Variants in TSPAN12 observed in about 807,000 individuals in gnomAD.
The protein encoded by TSPAN12 is tetraspanin 12.
A neutral mutation model predicts 39.2 loss-of-function variants in TSPAN12; 19 were observed. The ratio of observed to expected loss-of-function variants is 0.49; its 90% CI spans 0.34 to 0.71. TSPAN12 has a LOEUF of 0.71. Ranked by LOEUF, TSPAN12 falls within the 30% of genes least tolerant of loss-of-function variation. TSPAN12 has a pLI of 0.01. For missense variants in TSPAN12, 314 were observed against 359.9 expected, an observed-to-expected ratio of 0.87 and a Z score of 1.03; for synonymous variants, 119 against 124.8, an observed-to-expected ratio of 0.95 and a Z score of 0.31.
chr7:120,818,463 T>C (rs565013350), intron 4 of TSPAN12, among the ~76,000 whole-genome samples: 1 of 152,184 alleles, frequency 6.6e-6, no homozygotes. Flanking sequence ...TTGTGAGCCA[T>C]TAGCATTCAA....
At chr7:120,821,076 A>C (rs1287906993) in intron 4 of TSPAN12, among the ~76,000 whole-genome samples, 2 of 152,168 alleles carry the variant, frequency 1.3e-5, no homozygotes, top group Non-Finnish European at 2.9e-5. Context: ...ATGTGTGTCT[A>C]TATGGGAAAT....
In TSPAN12 at chr7:120,856,851, G is replaced by T; in HGVS notation, c.-70-18C>A. The T allele has an allele frequency of 1.4e-6, 2 of 1,390,898 alleles. No individual in the cohort carries two copies. Among genetic ancestry groups the T allele is most frequent in the South Asian group, 1.2e-5 (1 of 85,602 alleles). The allele number at this position is 1,390,898 out of a possible 1,614,324, so 86.2% of individuals were successfully genotyped here. A position where few individuals can be genotyped will look rare whatever the true frequency, so the allele number is the denominator to read the frequency against. ...GCAGCGATCTGCAGGGGGCGGGGGAGAGAGAACACGGGACATCTCACCATC... is the reference window on the plus strand; with the variant it reads ...GCAGCGATCTGCAGGGGGCGGGGGATAGAGAACACGGGACATCTCACCATC... On this transcript the variant is annotated intron_variant, in intron 1 of 7. Coordinates refer to ENST00000222747, the MANE Select transcript of TSPAN12 (RefSeq NM_012338.4).
At chr7:120,802,506 G>A (rs1057442039) in intron 7 of TSPAN12, among the ~76,000 whole-genome samples, 1 of 152,018 alleles carries the variant, frequency 6.6e-6, no homozygotes, top group Non-Finnish European at 1.5e-5. Context: ...ATTTTCTATT[G>A]CTGTTTTTTT....
intron 7 of TSPAN12, among the ~76,000 whole-genome samples, chr7:120,796,570 G>C (rs577672383): frequency 6.6e-6 from 1 of 152,224 alleles, no homozygotes; most frequent in African/African-American, 2.4e-5. Flanking sequence ...TAATATCTTA[G>C]TAGAGATAAG....
intron 7 of TSPAN12, among the ~76,000 whole-genome samples, chr7:120,799,047 G>A (rs1793689556): frequency 6.6e-6 from 1 of 152,036 alleles, no homozygotes. Context: ...ACTGATGTGG[G>A]GAATCTGTTC....
chr7:120,821,676 T>C (rs529098646), intron 4 of TSPAN12, among the ~76,000 whole-genome samples: 24 of 152,174 alleles, frequency 1.6e-4, no homozygotes, highest in Non-Finnish European at 3.2e-4. Context: ...AACCATATCA[T>C]AATTTCTACT....
In TSPAN12 at chr7:120,788,704, T is replaced by C. The variant is rs1388472257; in HGVS notation, c.806A>G (p.Gln269Arg). The change falls in exon 8 of 8, where the codon CAG becomes CGG. Residue 269 changes from glutamine to arginine, a missense_variant. Physicochemically the swap from Gln to Arg is conservative, Grantham distance 43. Coordinates refer to ENST00000222747, the MANE Select transcript of TSPAN12 (RefSeq NM_012338.4). ...TTCTACTGAGGGACATGACAGGTGCTGAGAGTTGTCATTCTTCAAGGACAT... is the reference window on the plus strand; with the variant it reads ...TTCTACTGAGGGACATGACAGGTGCCGAGAGTTGTCATTCTTCAAGGACAT... ...QMMSLKNDNS[Q>R]HLSCPSVELL... 6.2e-6 allele frequency: 10 copies of C among 1,614,168 alleles called. No homozygotes were observed. The highest frequency in any genetic ancestry group is 4.0e-5 in the African/African-American group (3 of 75,040).
chr7:120,798,309 C>A (rs1369950342), intron 7 of TSPAN12, among the ~76,000 whole-genome samples: 22 of 152,148 alleles, frequency 1.4e-4, no homozygotes, highest in Non-Finnish European at 1.5e-5. Context: ...ACAGATACCA[C>A]CGCAAGTCAC....
At chr7:120,824,520 A>G (rs575166939) in intron 4 of TSPAN12, among the ~76,000 whole-genome samples, 32 of 152,216 alleles carry the variant, frequency 2.1e-4, no homozygotes, top group Admixed American at 7.9e-4. Context: ...GTTCAGTTCA[A>G]TCACAAAATC....
chr7:120,793,807 G>A (rs1326693727), intron 7 of TSPAN12, among the ~76,000 whole-genome samples: 1 of 152,220 alleles, frequency 6.6e-6, no homozygotes, highest in Non-Finnish European at 1.5e-5. Flanking sequence ...TTAATGACAT[G>A]TATTGGAAAA....
rs375866349 is a variant in TSPAN12 at position 120,820,158 on chromosome 7, C to T, written c.286-4355G>A. Among the ~76,000 whole-genome samples, 9 of 152,252 alleles carry T rather than the reference C, an allele frequency of 5.9e-5. No individual in the cohort carries two copies. The East Asian group carries it at 1.7e-3, about 29-fold the overall frequency. ...TAGTTTGCAAAGCAACTCACCCTCTCTTCTCCTAGTGGGTTTTCTTTCTGG... is the reference window on the plus strand; with the variant it reads ...TAGTTTGCAAAGCAACTCACCCTCTTTTCTCCTAGTGGGTTTTCTTTCTGG... On this transcript the variant is annotated intron_variant, in intron 4 of 7. Transcript: ENST00000222747.
intron 4 of TSPAN12, among the ~76,000 whole-genome samples, chr7:120,832,513 C>T (rs144207781): frequency 5.3e-5 from 8 of 152,158 alleles, no homozygotes; most frequent in South Asian, 2.1e-4. Flanking sequence ...TCGTCTCCAC[C>T]GGCAAACCCT....
rs530062738 is a variant in TSPAN12 at position 120,838,205 on chromosome 7, T to G, written c.285+572A>C. Among the ~76,000 whole-genome samples the G allele has an allele frequency of 4.6e-5, 7 of 152,328 alleles. No homozygotes were observed. In the East Asian group the frequency reaches 1.2e-3, roughly 25 times the overall value. The stretch of plus-strand genomic sequence containing the variant: ...TCAATTTTTTAATGTTAAAAATGTT[T>G]GCCTACTTTTGAATTAAAAGACTAG... On this transcript the variant is annotated intron_variant, in intron 4 of 7. Coordinates refer to ENST00000222747, the MANE Select transcript of TSPAN12 (RefSeq NM_012338.4).
At chr7:120,823,707 C>T (rs1003016318) in intron 4 of TSPAN12, among the ~76,000 whole-genome samples, 4 of 152,212 alleles carry the variant, frequency 2.6e-5, no homozygotes, top group South Asian at 2.1e-4. Context: ...TTTAGAGATA[C>T]GGAAGTAAAT....
rs1793449033 is a variant in TSPAN12, at chr7:120,788,342, G to A, written c.*250C>T. On this transcript the variant is annotated 3_prime_UTR_variant, in exon 8 of 8. Coordinates refer to ENST00000222747, the MANE Select transcript of TSPAN12 (RefSeq NM_012338.4). The stretch of plus-strand genomic sequence containing the variant: ...CAAAACATAACTGTGTTCAGTAAAA[G>A]TCATACACAGGCTACACAGTGGGTA... 1.9e-6 allele frequency: 1 copy of A among 513,268 alleles called. No individual in the cohort carries two copies. 31.8% of individuals were successfully genotyped at this position (513,268 alleles called of 1,614,324 possible). A position where few individuals can be genotyped will look rare whatever the true frequency, so the allele number is the denominator to read the frequency against.
chr7:120,840,316 A>T (rs1253201653), intron 2 of TSPAN12, among the ~76,000 whole-genome samples: 1 of 152,206 alleles, frequency 6.6e-6, no homozygotes, highest in African/African-American at 2.4e-5. Context: ...CCCAAATGGG[A>T]TACAGAAAAC....
chr7:120,832,450 ACTC>A (rs1165196745), intron 4 of TSPAN12, among the ~76,000 whole-genome samples: 3 of 151,042 alleles, frequency 2.0e-5, no homozygotes, highest in Admixed American at 6.6e-5. Context: ...CTGTCCCTTC[ACTC>A]CTCAGTGTTT....
intron 4 of TSPAN12, among the ~76,000 whole-genome samples, chr7:120,831,097 T>C (rs1483560705): frequency 6.6e-6 from 1 of 151,920 alleles, no homozygotes; most frequent in Non-Finnish European, 1.5e-5. Flanking sequence ...CACAATGAAA[T>C]ATCAACTTGT....
intron 4 of TSPAN12, among the ~76,000 whole-genome samples, chr7:120,829,880 A>G (rs932159498): frequency 3.3e-5 from 5 of 152,158 alleles, no homozygotes; most frequent in Non-Finnish European, 7.4e-5. Flanking sequence ...CCATACAAAA[A>G]CTTGAATCAT....
Sources: allele counts gnomAD v4.1 joint callset (sites outside exome capture counted in the v4.1 genomes callset), GRCh38; gene constraint gnomAD v4.1.1; transcripts MANE v1.5; gene names NCBI Gene and HGNC (gene_info 2026-07-23, HGNC 2026-07-21).